Variants in ECE1 observed in about 807,000 individuals in gnomAD.
ECE1 encodes endothelin-converting enzyme 1.
In ECE1, 35 loss-of-function variants were observed where a neutral mutation model predicts 98.6. The ratio of observed to expected loss-of-function variants is 0.35; its 90% CI spans 0.27 to 0.47. The LOEUF (loss-of-function observed/expected upper bound fraction) is 0.47. Ranked by LOEUF, ECE1 falls within the 20% of genes least tolerant of loss-of-function variation. The probability of loss-of-function intolerance (pLI) is 1.00; values close to 1 mark genes in which losing one functional copy is unlikely to be tolerated. For missense variants in ECE1, 814 were observed against 1,025.3 expected, an observed-to-expected ratio of 0.79 and a Z score of 2.81; for synonymous variants, 394 against 407.1, an observed-to-expected ratio of 0.97 and a Z score of 0.39.
intron 18 of ECE1, 61 bp downstream of exon 18, chr1:21,221,686 C>A: frequency 6.4e-7 from 1 of 1,552,328 alleles, no homozygotes; most frequent in Non-Finnish European, 8.9e-7. Context: ...GCTCTCTGGG[C>A]TCTTGAAACA....
At position 21,258,623 on chromosome 1, in the gene ECE1, T is replaced by C. The variant is rs2098222949; in HGVS notation, c.762+70A>G. 3 of 1,261,464 alleles carry C rather than the reference T, an allele frequency of 2.4e-6. No homozygotes were observed. Among genetic ancestry groups the C allele is most frequent in the Non-Finnish European group, 1.1e-6 (1 of 897,136 alleles). The allele number at this position is 1,261,464 out of a possible 1,614,324, so 78.1% of individuals were successfully genotyped here. A position where few individuals can be genotyped will look rare whatever the true frequency, so the allele number is the denominator to read the frequency against. ...GGGCAAGCCCCTCTCCCACCCCAGGTCCTGCTAAACTCAAAACAGGAAGAG... is the reference window on the plus strand; with the variant it reads ...GGGCAAGCCCCTCTCCCACCCCAGGCCCTGCTAAACTCAAAACAGGAAGAG... On this transcript the variant is annotated intron_variant, in intron 6 of 18. Coordinates refer to ENST00000374893, the MANE Select transcript of ECE1 (RefSeq NM_001397.3). The surrounding 1 kb of genome is among the most constrained non-coding windows in gnomAD (Gnocchi z 4.2).
chr1:21,281,765 C>T lies in ECE1; in HGVS notation c.139-2433G>A, dbSNP rs149448627. On this transcript the variant is annotated intron_variant, in intron 2 of 18. Coordinates refer to ENST00000374893, the MANE Select transcript of ECE1 (RefSeq NM_001397.3). ...AGGCTGGAGTGCAATGGCACGATCT[C>T]GGCTCACTGCAACCTCTGCCTCCCG... Among the ~76,000 whole-genome samples, 591 of 152,304 alleles carry T rather than the reference C, an allele frequency of 3.9e-3. 6 individuals are homozygous for T. The highest frequency in any genetic ancestry group is 0.013 in the African/African-American group (553 of 41,568).
At chr1:21,285,922 G>T (rs1407384947) in intron 2 of ECE1, among the ~76,000 whole-genome samples, 3 of 150,346 alleles carry the variant, frequency 2.0e-5, no homozygotes, top group African/African-American at 7.4e-5. Context: ...AACCCAGGAG[G>T]TGGAGGTTGC....
chr1:21,256,185 C>G, intron 7 of ECE1, 47 bp from the exon 8 acceptor site: 2 of 1,562,946 alleles, frequency 1.3e-6, no homozygotes, highest in Non-Finnish European at 1.7e-6. Flanking sequence ...CCCCCACTAT[C>G]CACTGGACGA....
rs538044156 is a variant in ECE1, at chr1:21,233,083, G to A, written c.1670+475C>T. 118 of 169,478 alleles carry A rather than the reference G, an allele frequency of 7.0e-4. No individual in the cohort carries two copies. Among genetic ancestry groups the A allele is most frequent in the Admixed American group, 1.3e-3 (23 of 18,016 alleles). 10.5% of individuals were successfully genotyped at this position (169,478 alleles called of 1,614,324 possible). Reference sequence around the variant, plus strand: ...TCCAGAACCTTCCCCAGGCCTCTGTGGGCTCCCTGTCCTGAGATCCCACCA... The same window carrying A: ...TCCAGAACCTTCCCCAGGCCTCTGTAGGCTCCCTGTCCTGAGATCCCACCA... On this transcript the variant is annotated intron_variant, in intron 14 of 18. Transcript: ENST00000374893. The surrounding 1 kb of genome is among the most constrained non-coding windows in gnomAD (Gnocchi z 4.0).
chr1:21,269,507 A>ATAGG (rs1353359817), intron 4 of ECE1, among the ~76,000 whole-genome samples: 3 of 152,120 alleles, frequency 2.0e-5, no homozygotes, highest in Non-Finnish European at 4.4e-5. Context: ...TTCCCACTTT[A>ATAGG]TAGGTGATGA....
chr1:21,231,016 TG>T (rs1185684549), intron 14 of ECE1, among the ~76,000 whole-genome samples: 2 of 151,534 alleles, frequency 1.3e-5, no homozygotes, highest in African/African-American at 4.8e-5. Context: ...TTAGTAGAGA[TG>T]GGGTTTCTCC....
intron 8 of ECE1, among the ~76,000 whole-genome samples, chr1:21,248,035 C>T (rs370928598): frequency 1.6e-4 from 25 of 152,310 alleles, no homozygotes; most frequent in East Asian, 9.6e-4. Context: ...AGGAAGACAG[C>T]AGCATAACTT....
At chr1:21,261,481 GTTAAAAT>G (rs1478216624) in intron 4 of ECE1, among the ~76,000 whole-genome samples, 4 of 152,098 alleles carry the variant, frequency 2.6e-5, no homozygotes, top group Non-Finnish European at 5.9e-5. Flanking sequence ...ATGGGACCCT[GTTAAAAT>G]CCTACTCAAC....
intron 2 of ECE1, among the ~76,000 whole-genome samples, chr1:21,288,626 A>G (rs2098263128): frequency 6.6e-6 from 1 of 152,250 alleles, no homozygotes; most frequent in Non-Finnish European, 1.5e-5. Flanking sequence ...TTGTGTTGAT[A>G]TATTTAGACC....
intron 1 of ECE1, among the ~76,000 whole-genome samples, chr1:21,314,071 C>A (rs1246546272): frequency 6.6e-6 from 1 of 152,214 alleles, no homozygotes; most frequent in Non-Finnish European, 1.5e-5. Flanking sequence ...ATTCTAGGTT[C>A]CGTGCTAAGC....
chr1:21,338,540 T>C (rs1003385555), intron 1 of ECE1, among the ~76,000 whole-genome samples: 1 of 152,228 alleles, frequency 6.6e-6, no homozygotes, highest in African/African-American at 2.4e-5. Flanking sequence ...CAAACCCAGA[T>C]TTGCACAACT....
intron 2 of ECE1, among the ~76,000 whole-genome samples, chr1:21,281,632 A>G (rs1269507521): frequency 6.6e-6 from 1 of 152,034 alleles, no homozygotes; most frequent in Non-Finnish European, 1.5e-5. Flanking sequence ...TAGGCTTCTC[A>G]TGTCCCCATT....
intron 1 of ECE1, among the ~76,000 whole-genome samples, chr1:21,330,133 C>CT (rs397860522): frequency 0.041 from 3,521 of 86,474 alleles, 888 homozygotes; most frequent in African/African-American, 0.19. Flanking sequence ...TCACTAAATA[C>CT]TTTTTTTTTT....
intron 2 of ECE1, among the ~76,000 whole-genome samples, chr1:21,289,116 GGAA>G (rs570833297): frequency 3.9e-5 from 6 of 152,186 alleles, no homozygotes; most frequent in Non-Finnish European, 8.8e-5. Context: ...CTCGCCTTTG[GGAA>G]GAGTTGTGTG....
At chr1:21,234,207 C>A (rs1448273602) in intron 13 of ECE1, among the ~76,000 whole-genome samples, 1 of 151,900 alleles carries the variant, frequency 6.6e-6, no homozygotes. Flanking sequence ...AGGCTGGTTT[C>A]AAACTCCTGA....
At chr1:21,264,961 G>A (rs539023208) in intron 4 of ECE1, among the ~76,000 whole-genome samples, 5 of 152,228 alleles carry the variant, frequency 3.3e-5, no homozygotes, top group South Asian at 4.1e-4. Flanking sequence ...CTTCCTGATC[G>A]CTGCAGCTAC....
At position 21,220,568 on chromosome 1, in the gene ECE1, C is replaced by T. The variant is rs974836291; in HGVS notation, c.2137-437G>A. On this transcript the variant is annotated intron_variant, in intron 18 of 18. Coordinates refer to ENST00000374893, the MANE Select transcript of ECE1 (RefSeq NM_001397.3). This position sits in a 1 kb window ranked among gnomAD's most constrained non-coding sequence, Gnocchi z 5.0. ...CCAGCACTTTAAGAGGCCAAGGTGG[C>T]GGTGGATCACTTGAGGCCAGGAGTT... Among the ~76,000 whole-genome samples the T allele has an allele frequency of 3.9e-5, 6 of 152,022 alleles. No homozygotes were observed. Among genetic ancestry groups the T allele is most frequent in the Admixed American group, 2.0e-4 (3 of 15,246 alleles).
intron 2 of ECE1, chr1:21,279,763 T>C: frequency 8.5e-7 from 1 of 1,176,192 alleles, no homozygotes; most frequent in Non-Finnish European, 1.1e-6. Flanking sequence ...TGGCTCACAC[T>C]TCCCAGAAGC....
Sources: gnomAD v4.1 joint callset for allele counts (sites outside exome capture counted in the v4.1 genomes callset) on GRCh38, gnomAD v4.1.1 for gene constraint, Gnocchi (gnomAD v3.1) non-coding constraint, MANE v1.5 for transcripts, NCBI Gene and HGNC (gene_info 2026-07-23, HGNC 2026-07-21) for gene names.